MYO5A: variants seen among roughly 807,000 people sequenced by gnomAD.
MYO5A encodes the protein unconventional myosin-Va.
In MYO5A, 98 loss-of-function variants were observed where a neutral mutation model predicts 249.7. The observed-to-expected ratio is 0.39, with a 90% CI of 0.33 to 0.46. The LOEUF (loss-of-function observed/expected upper bound fraction) is 0.46. Among genes scored for constraint, MYO5A ranks in the 20% least tolerant of loss-of-function variants. The pLI is 0.98. For synonymous variants in MYO5A, 778 were observed against 810.6 expected (o/e 0.96, Z 0.68); for missense variants, 1,696 against 2,308.8 (o/e 0.73, Z 5.44).
At chr15:52,397,582 C>T in intron 9 of MYO5A, 116 bp from the exon 10 acceptor site, 2 of 1,177,672 alleles carry the variant, frequency 1.7e-6, no homozygotes, top group South Asian at 1.3e-5. Flanking sequence ...TTATAACAAA[C>T]ACCAAGATCA....
At chr15:52,406,832 C>T (rs1206961956) in intron 8 of MYO5A, among the ~76,000 whole-genome samples, 1 of 152,178 alleles carries the variant, frequency 6.6e-6, no homozygotes, top group Non-Finnish European at 1.5e-5. Context: ...AACTCAGCCA[C>T]ATTTCCCAGC....
At position 52,311,376 on chromosome 15, in the gene MYO5A, C is replaced by T. The variant is rs373341865; in HGVS notation, c.*2320G>A. ...CCTATCGGATGCTGTTAGATTCTGA[C>T]ACATTTGGTACGAACCAAATGGCTA... On this transcript the variant is annotated 3_prime_UTR_variant, in exon 42 of 42. Transcript: ENST00000399233. 11 of 152,286 alleles carry T rather than the reference C, an allele frequency of 7.2e-5. No homozygotes were observed. The East Asian group carries it at 1.5e-3, about 21-fold the overall frequency. 9.4% of individuals were successfully genotyped at this position (152,286 alleles called of 1,614,324 possible).
intron 1 of MYO5A, among the ~76,000 whole-genome samples, chr15:52,483,218 T>C (rs1236771474): frequency 6.6e-6 from 1 of 152,166 alleles, no homozygotes; most frequent in Non-Finnish European, 1.5e-5. Context: ...ACTTAAACAT[T>C]GCTACTTCTG....
intron 16 of MYO5A, among the ~76,000 whole-genome samples, chr15:52,381,978 C>T (rs908874985): frequency 6.6e-6 from 1 of 152,216 alleles, no homozygotes; most frequent in African/African-American, 2.4e-5. Context: ...TCTCGGCTCA[C>T]TGCAACTGCA....
intron 5 of MYO5A, among the ~76,000 whole-genome samples, chr15:52,415,595 G>T (rs1480487889): frequency 6.6e-6 from 1 of 152,084 alleles, no homozygotes. Context: ...AGCTTATAAA[G>T]ATCATAGTTT....
intron 1 of MYO5A, among the ~76,000 whole-genome samples, chr15:52,477,952 C>T (rs1595757853): frequency 6.6e-6 from 1 of 152,176 alleles, no homozygotes. Flanking sequence ...CACACAGGGA[C>T]GTTTAAGTCT....
intron 1 of MYO5A, among the ~76,000 whole-genome samples, chr15:52,482,728 T>A (rs979459181): frequency 5.9e-5 from 9 of 152,070 alleles, no homozygotes; most frequent in Non-Finnish European, 8.8e-5. Context: ...TTTAAAAAAA[T>A]TTTTTTAAGT....
chr15:52,339,519 A>G (rs76855015), intron 32 of MYO5A, among the ~76,000 whole-genome samples: 4 of 151,722 alleles, frequency 2.6e-5, no homozygotes, highest in South Asian at 2.1e-4. Context: ...TTTTTTTGGC[A>G]AAAGAAAAAA....
intron 4 of MYO5A, among the ~76,000 whole-genome samples, chr15:52,419,091 C>A (rs768050736): frequency 6.6e-6 from 1 of 152,294 alleles, no homozygotes. Context: ...ATGTATAACA[C>A]GATTTAATAT....
chr15:52,397,111 A>G (rs1023265336), intron 10 of MYO5A, 90 bp downstream of exon 10: 1 of 1,456,948 alleles, frequency 6.9e-7, no homozygotes, highest in African/African-American at 1.4e-5. Context: ...CTTTACCAGT[A>G]GGAAACAGAA....
intron 40 of MYO5A, among the ~76,000 whole-genome samples, chr15:52,315,210 C>T (rs1309411456): frequency 6.6e-6 from 1 of 152,194 alleles, no homozygotes; most frequent in Non-Finnish European, 1.5e-5. Flanking sequence ...AGTTGAATGG[C>T]AGCCAACTTC....
At chr15:52,521,579 G>T (rs147079622) in intron 1 of MYO5A, among the ~76,000 whole-genome samples, 26 of 152,264 alleles carry the variant, frequency 1.7e-4, no homozygotes, top group African/African-American at 6.0e-4. Flanking sequence ...TGAACACTTA[G>T]TGCATTATGT....
chr15:52,409,869 A>C (rs898864155), intron 6 of MYO5A, among the ~76,000 whole-genome samples: 5 of 152,068 alleles, frequency 3.3e-5, no homozygotes, highest in African/African-American at 1.2e-4. Flanking sequence ...GTAGTTCACA[A>C]TTGGGTTGTG....
intron 1 of MYO5A, among the ~76,000 whole-genome samples, chr15:52,509,664 G>T (rs2077350362): frequency 6.6e-6 from 1 of 152,132 alleles, no homozygotes; most frequent in African/African-American, 2.4e-5. Context: ...CAATAAAATA[G>T]GGGCCATTTT....
At chr15:52,436,322 C>G (rs1313929165) in intron 1 of MYO5A, among the ~76,000 whole-genome samples, 1 of 152,216 alleles carries the variant, frequency 6.6e-6, no homozygotes, top group Non-Finnish European at 1.5e-5. Flanking sequence ...TCTAAGCCGG[C>G]ACTATGCAGA....
At chr15:52,439,957 A>C (rs1012478085) in intron 1 of MYO5A, among the ~76,000 whole-genome samples, 6 of 152,270 alleles carry the variant, frequency 3.9e-5, no homozygotes, top group Non-Finnish European at 8.8e-5. Flanking sequence ...ACTAAATTTT[A>C]TAATAGCTAA....
chr15:52,479,669 TTTTG>T (rs1385370157), intron 1 of MYO5A, among the ~76,000 whole-genome samples: 1 of 152,224 alleles, frequency 6.6e-6, no homozygotes, highest in African/African-American at 2.4e-5. Context: ...ATGATCCTAT[TTTTG>T]TTTAATATAT....
intron 1 of MYO5A, among the ~76,000 whole-genome samples, chr15:52,445,553 C>A (rs567406546): frequency 6.6e-6 from 1 of 152,268 alleles, no homozygotes; most frequent in Admixed American, 6.5e-5. Flanking sequence ...AACTAGGTAA[C>A]AGCAGAGGTT....
intron 27 of MYO5A, 67 bp downstream of exon 27, chr15:52,353,538 A>T: frequency 1.5e-6 from 2 of 1,333,542 alleles, no homozygotes; most frequent in Non-Finnish European, 2.2e-6. Context: ...TGAGAAAAAG[A>T]GAGGCTCTGA....
Sources: gnomAD v4.1 joint callset for allele counts (sites outside exome capture counted in the v4.1 genomes callset) on GRCh38, gnomAD v4.1.1 for gene constraint, MANE v1.5 for transcripts, NCBI Gene and HGNC (gene_info 2026-07-23, HGNC 2026-07-21) for gene names.